The following ADGRA2 variants were observed in gnomAD, a reference collection of about 807,000 sequenced individuals.
ADGRA2 encodes G-protein coupled receptor 124.
In ADGRA2, 61 loss-of-function variants were observed where a neutral mutation model predicts 98.7. The observed-to-expected ratio is 0.62, with a 90% CI of 0.50 to 0.76. ADGRA2 has a LOEUF of 0.76. ADGRA2 is among the 30% of genes least tolerant of loss of function. The pLI is 0.00. For synonymous variants in ADGRA2, 858 were observed against 831.5 expected, an observed-to-expected ratio of 1.03 and a Z score of -0.55; for missense variants, 1,712 against 1,860.0, an observed-to-expected ratio of 0.92 and a Z score of 1.46.
intron 8 of ADGRA2, 130 bp downstream of exon 8, chr8:37,831,717 T>G (rs1049335372): frequency 1.2e-5 from 9 of 751,052 alleles, no homozygotes; most frequent in Admixed American, 1.0e-4. Context: ...AGACACTTCC[T>G]TTTGTCATTC....
intron 1 of ADGRA2, among the ~76,000 whole-genome samples, chr8:37,801,681 C>T (rs370750533): frequency 6.6e-6 from 1 of 152,194 alleles, no homozygotes; most frequent in Non-Finnish European, 1.5e-5. Flanking sequence ...AGGATCTTAG[C>T]GATAAGGAAG....
In ADGRA2 at chr8:37,802,716, C is replaced by T. The variant is rs941351662; in HGVS notation, c.266+5182C>T. 6.6e-6 allele frequency among the ~76,000 whole-genome samples: 1 copy of T among 152,186 alleles called. No homozygotes were observed. The highest frequency in any genetic ancestry group is 2.4e-5 in the African/African-American group (1 of 41,460). On this transcript the variant is annotated intron_variant, in intron 1 of 18. Coordinates refer to ENST00000412232, the MANE Select transcript of ADGRA2 (RefSeq NM_032777.10). The surrounding 1 kb of genome is among the most constrained non-coding windows in gnomAD (Gnocchi z 4.7). Reference sequence around the variant, plus strand: ...GATACAGGAATTCCACCCATCCATCCTCTGGGGCCTGGAAGCCCCTCCCCT... The same window carrying T: ...GATACAGGAATTCCACCCATCCATCTTCTGGGGCCTGGAAGCCCCTCCCCT...
intron 2 of ADGRA2, among the ~76,000 whole-genome samples, chr8:37,823,078 T>C (rs1349543268): frequency 6.6e-6 from 1 of 151,656 alleles, no homozygotes; most frequent in Admixed American, 6.6e-5. Flanking sequence ...TTTTAAGTAG[T>C]GACGGGGTTT....
At position 37,797,533 on chromosome 8, in the gene ADGRA2, C is replaced by T; in HGVS notation, c.265C>T (p.Leu89=). 1 of 1,392,610 alleles carries T rather than the reference C, an allele frequency of 7.2e-7. No homozygotes were observed. The highest frequency in any genetic ancestry group is 9.4e-7 in the Non-Finnish European group (1 of 1,069,272). The allele number at this position is 1,392,610 out of a possible 1,614,324, so 86.3% of individuals were successfully genotyped here. Residue 89 remains leucine, a splice_region_variant and synonymous_variant, in exon 1 of 19, where the codon CTG becomes TTG. Transcript: ENST00000412232. This position sits in a 1 kb window ranked among gnomAD's most constrained non-coding sequence, Gnocchi z 5.3. ...CCTTCTGCCTAACGGCACCGTTACC[C>T]TGTGAGTACCCTACCAGGCCAGTTC... is the stretch of plus-strand genomic sequence containing the variant. The part of the protein sequence containing the change: ...PGLLPNGTVT[L]LLSNNKITGL...
intron 2 of ADGRA2, among the ~76,000 whole-genome samples, chr8:37,817,137 A>G (rs1805004426): frequency 6.6e-6 from 1 of 152,170 alleles, no homozygotes; most frequent in South Asian, 2.1e-4. Context: ...CCACCGTGGA[A>G]GGGAAAGCCT....
intron 2 of ADGRA2, among the ~76,000 whole-genome samples, chr8:37,826,541 A>G (rs541606427): frequency 6.6e-6 from 1 of 152,078 alleles, no homozygotes; most frequent in South Asian, 2.1e-4. Context: ...TTCCTTCTCC[A>G]GGGACTTGGG....
chr8:37,804,342 A>G (rs1585964873), intron 1 of ADGRA2, among the ~76,000 whole-genome samples: 1 of 152,068 alleles, frequency 6.6e-6, no homozygotes, highest in Admixed American at 6.6e-5. Context: ...TGAAAGCTTC[A>G]CCACCCTCAG....
intron 2 of ADGRA2, among the ~76,000 whole-genome samples, chr8:37,822,020 G>A (rs1398725424): frequency 1.3e-5 from 2 of 152,164 alleles, no homozygotes; most frequent in Non-Finnish European, 1.5e-5. Flanking sequence ...CACCACTGAG[G>A]CCCAGGAGGG....
chr8:37,842,548 A>G lies in ADGRA2; in HGVS notation c.*193A>G. 1 of 934,080 alleles carries G rather than the reference A, an allele frequency of 1.1e-6. No individual in the cohort carries two copies. Among genetic ancestry groups the G allele is most frequent in the East Asian group, 3.3e-5 (1 of 30,474 alleles). The allele number at this position is 934,080 out of a possible 1,614,324, so 57.9% of individuals were successfully genotyped here. A position where few individuals can be genotyped will look rare whatever the true frequency, so the allele number is the denominator to read the frequency against. On this transcript the variant is annotated 3_prime_UTR_variant, in exon 19 of 19. Transcript: ENST00000412232. ...GGTAGCGACAGACAATCCCAGAAAC[A>G]CGCATAATACATTTCCGTCCAGCCC... is the stretch of plus-strand genomic sequence containing the variant.
intron 2 of ADGRA2, among the ~76,000 whole-genome samples, chr8:37,817,997 T>C (rs1805027304): frequency 6.6e-6 from 1 of 152,204 alleles, no homozygotes; most frequent in South Asian, 2.1e-4. Flanking sequence ...TACTCCAGCC[T>C]GGGCAACAGA....
At chr8:37,804,098 G>GACACACACACACACAC (rs1306886119) in intron 1 of ADGRA2, among the ~76,000 whole-genome samples, 1 of 50,092 alleles carries the variant, frequency 2.0e-5, no homozygotes, top group African/African-American at 7.7e-5. Flanking sequence ...TGCCCACGGT[G>GACACACACACACACAC]AGACACACAC....
chr8:37,833,159 A>T lies in ADGRA2; in HGVS notation c.1247A>T (p.His416Leu). 1 of 1,613,060 alleles carries T rather than the reference A, an allele frequency of 6.2e-7. No individual in the cohort carries two copies. The highest frequency in any genetic ancestry group is 8.5e-7 in the Non-Finnish European group (1 of 1,179,794). ...AGRWEPGDYSHCLYTNDITRV... is the reference protein window; with the variant it reads ...AGRWEPGDYSLCLYTNDITRV... ...CGCTGGGAGCCAGGGGACTACTCCC[A>T]CTGTCTCTACACCAACGACATCACC... Residue 416 changes from histidine to leucine, a missense_variant, in exon 9 of 19, where the codon CAC (histidine) becomes CTC (leucine). His to Leu is a moderately conservative substitution (Grantham distance 99). Coordinates refer to ENST00000412232, the MANE Select transcript of ADGRA2 (RefSeq NM_032777.10).
At position 37,844,725 on chromosome 8, in the gene ADGRA2, G is replaced by C. The variant is rs1375445675; in HGVS notation, c.*2370G>C. On this transcript the variant is annotated 3_prime_UTR_variant, in exon 19 of 19. Transcript: ENST00000412232. ...CCGCTTCCCCTGGGGTAAACCTAAG[G>C]AATTATTTCCCACCTCCCCTTCTCC... 3 of 1,614,058 alleles carry C rather than the reference G, an allele frequency of 1.9e-6. No homozygotes were observed. The highest frequency in any genetic ancestry group is 2.5e-6 in the Non-Finnish European group (3 of 1,180,038).
Position 37,841,678 on chromosome 8 carries a change from C to CCCCCTCCCTCAAGTCCT in ADGRA2, c.3344_3345insTCCCTCAAGTCCTCCCC (p.Ser1116ProfsTer193). 6.5e-7 allele frequency: 1 copy of CCCCCTCCCTCAAGTCCT among 1,526,848 alleles called. No individual in the cohort carries two copies. The highest frequency in any genetic ancestry group is 8.8e-7 in the Non-Finnish European group (1 of 1,135,872). The allele number at this position is 1,526,848 out of a possible 1,614,324, so 94.6% of individuals were successfully genotyped here. On this transcript the variant is annotated frameshift_variant, in exon 19 of 19. Transcript: ENST00000412232. LOFTEE classifies it low-confidence loss of function (END_TRUNC). The surrounding 1 kb of genome is among the most constrained non-coding windows in gnomAD (Gnocchi z 5.0). Reference sequence around the variant, plus strand: ...CGGTTCCCCGGTGTTCGGGGAGGGCCCCCCCTCCCTCAAGTCCTCCCCAAG... The same window carrying CCCCCTCCCTCAAGTCCT: ...CGGTTCCCCGGTGTTCGGGGAGGGCCCCCCTCCCTCAAGTCCTCCCCCTCCCTCAAGTCCTCCCCAAG...
At chr8:37,839,780 C>T (rs1418678051) in intron 16 of ADGRA2, among the ~76,000 whole-genome samples, 158 bp downstream of exon 16, 1 of 151,850 alleles carries the variant, frequency 6.6e-6, no homozygotes, top group Non-Finnish European at 1.5e-5. Flanking sequence ...GATGGTGGGT[C>T]GTGGAGAGTG....
intron 2 of ADGRA2, among the ~76,000 whole-genome samples, chr8:37,822,098 A>T (rs1220784326): frequency 6.6e-6 from 1 of 152,158 alleles, no homozygotes; most frequent in Non-Finnish European, 1.5e-5. Context: ...CATGGGGTAC[A>T]TGCTCAATAA....
intron 1 of ADGRA2, among the ~76,000 whole-genome samples, chr8:37,801,983 C>T (rs981633897): frequency 7.2e-5 from 11 of 152,236 alleles, no homozygotes; most frequent in Non-Finnish European, 1.0e-4. Flanking sequence ...TCAACCTGCT[C>T]GGCCTCCCAT....
rs1307888432 is a variant in ADGRA2 at position 37,808,962 on chromosome 8, T to C, written c.267-5934T>C. Among the ~76,000 whole-genome samples, 5 of 151,960 alleles carry C rather than the reference T, an allele frequency of 3.3e-5. No individual in the cohort carries two copies. In the East Asian group the frequency reaches 9.7e-4, roughly 29 times the overall value. On this transcript the variant is annotated intron_variant, in intron 1 of 18. Coordinates refer to ENST00000412232, the MANE Select transcript of ADGRA2 (RefSeq NM_032777.10). ...GCCTCAGCCTCCAGAGTAGCTGGGA[T>C]TACAGGTGCGTGCCACCACACCTGG...
Position 37,833,847 on chromosome 8 carries a change from A to G in ADGRA2, c.1446+10A>G. 6.2e-7 allele frequency: 1 copy of G among 1,613,616 alleles called. No individual in the cohort carries two copies. On this transcript the variant is annotated intron_variant, in intron 10 of 18. Coordinates refer to ENST00000412232, the MANE Select transcript of ADGRA2 (RefSeq NM_032777.10). ...CGACCAGATCAAAGAGGTGAGACTC[A>G]GCTGGAACTCAGGAGCTCGGAAAAC...
Sources: gnomAD v4.1 joint callset for allele counts (sites outside exome capture counted in the v4.1 genomes callset) on GRCh38, gnomAD v4.1.1 for gene constraint, Gnocchi (gnomAD v3.1) non-coding constraint, MANE v1.5 for transcripts, NCBI Gene and HGNC (gene_info 2026-07-23, HGNC 2026-07-21) for gene names.